Variants in CDH23 observed in about 807,000 individuals in gnomAD.
CDH23 encodes the protein cadherin related 23, also known as cadherin-23.
A neutral mutation model predicts 317.1 loss-of-function variants in CDH23; 189 were observed. That is an observed-to-expected ratio of 0.60 (90% confidence interval 0.53 to 0.67). The LOEUF (loss-of-function observed/expected upper bound fraction) is 0.67, where lower values mean the gene tolerates loss of function less well. Among genes scored for constraint, CDH23 ranks in the 30% least tolerant of loss-of-function variants. The probability of loss-of-function intolerance (pLI) is 0.00; values close to 1 mark genes in which losing one functional copy is unlikely to be tolerated. For missense variants in CDH23, 4,401 were observed against 4,592.4 expected (o/e 0.96, Z 1.20); for synonymous variants, 1,839 against 1,876.8 (o/e 0.98, Z 0.52).
chr10:71,493,060 A>G (rs1852754304), intron 3 of CDH23, among the ~76,000 whole-genome samples: 1 of 152,122 alleles, frequency 6.6e-6, no homozygotes, highest in Non-Finnish European at 1.5e-5. Context: ...GCTGAGCCAT[A>G]GTTTCCTCAT....
At position 71,805,985 on chromosome 10, in the gene CDH23, G is replaced by A. The variant is rs1206946287; in HGVS notation, c.8052G>A (p.Gln2684=). 4 of 1,611,636 alleles carry A rather than the reference G, an allele frequency of 2.5e-6. No individual in the cohort carries two copies. Among genetic ancestry groups the A allele is most frequent in the Non-Finnish European group, 3.4e-6 (4 of 1,179,290 alleles). The change falls in exon 56 of 70, where the codon CAG becomes CAA. Residue 2684 remains glutamine (Q), a synonymous_variant. Coordinates refer to ENST00000224721, the MANE Select transcript of CDH23 (RefSeq NM_022124.6). ...QTAQRLDRES[Q]AVYSLILVAS... is the part of the protein sequence containing the mutation. Reference sequence around the variant, plus strand: ...CTCAGCGCCTGGACCGCGAGTCGCAGGCGGTGTACAGCGTAAGGGCGGGGC... The same window carrying A: ...CTCAGCGCCTGGACCGCGAGTCGCAAGCGGTGTACAGCGTAAGGGCGGGGC...
At chr10:71,538,774 T>C (rs565028806) in intron 6 of CDH23, among the ~76,000 whole-genome samples, 1 of 152,346 alleles carries the variant, frequency 6.6e-6, no homozygotes, top group East Asian at 1.9e-4. Context: ...TCTGAAAGTA[T>C]ACCAGGTGCT....
rs116404837 is a variant in CDH23 at position 71,630,527 on chromosome 10, G to A, written c.1134+13134G>A. ...GGAGGGGAGGAAGGGAGTTAAGAGT[G>A]ACTGCACAAGGTTTTTGGCCTGAGC... is the stretch of plus-strand genomic sequence containing the variant. On this transcript the variant is annotated intron_variant, in intron 11 of 69. Transcript: ENST00000224721. Among the ~76,000 whole-genome samples, 1,138 of 152,292 alleles carry A rather than the reference G, an allele frequency of 7.5e-3. 15 individuals carry two copies. The highest frequency in any genetic ancestry group is 0.026 in the African/African-American group (1,084 of 41,556).
intron 9 of CDH23, among the ~76,000 whole-genome samples, chr10:71,611,964 C>T (rs531370351): frequency 7.2e-5 from 11 of 152,272 alleles, no homozygotes; most frequent in South Asian, 4.1e-4. Flanking sequence ...TTGAATGAGA[C>T]GTGCCCTTGG....
intron 14 of CDH23, among the ~76,000 whole-genome samples, chr10:71,664,192 C>T (rs899892917): frequency 1.3e-5 from 2 of 152,146 alleles, no homozygotes; most frequent in African/African-American, 4.8e-5. Context: ...AGGCAGACAC[C>T]GGCCACCCTG....
intron 9 of CDH23, among the ~76,000 whole-genome samples, chr10:71,611,644 C>A (rs1003715822): frequency 3.3e-5 from 5 of 152,186 alleles, no homozygotes; most frequent in Non-Finnish European, 5.9e-5. Flanking sequence ...ACATATAAGT[C>A]ACTTGATCAA....
chr10:71,641,270 T>C (rs1297349886), intron 11 of CDH23, among the ~76,000 whole-genome samples: 25 of 152,198 alleles, frequency 1.6e-4, no homozygotes, highest in Non-Finnish European at 2.9e-5. Context: ...ACACACTGGC[T>C]CTGGGCATCT....
chr10:71,784,209 G>C, intron 41 of CDH23, 78 bp from the exon 42 acceptor site: 1 of 1,482,976 alleles, frequency 6.7e-7, no homozygotes, highest in South Asian at 1.3e-5. Context: ...GCTTGCTAGA[G>C]GAAGCAGAAG....
intron 6 of CDH23, among the ~76,000 whole-genome samples, chr10:71,520,309 GAA>G (rs1256337330): frequency 2.0e-5 from 3 of 152,170 alleles, no homozygotes; most frequent in Non-Finnish European, 1.5e-5. Flanking sequence ...GGAAAAAAAT[GAA>G]AGAGTCATCA....
chr10:71,683,445 A>G (rs749471922), intron 18 of CDH23, among the ~76,000 whole-genome samples: 26 of 152,202 alleles, frequency 1.7e-4, no homozygotes, highest in Non-Finnish European at 3.1e-4. Flanking sequence ...AGCCTCTGCC[A>G]CTGCCCACGC....
chr10:71,536,460 A>T (rs1255718115), intron 6 of CDH23, among the ~76,000 whole-genome samples: 1 of 152,184 alleles, frequency 6.6e-6, no homozygotes, highest in Admixed American at 6.5e-5. Flanking sequence ...TTTGCTTTTG[A>T]TGTAATGAAA....
chr10:71,511,714 A>C, intron 6 of CDH23: 1 of 184,354 alleles, frequency 5.4e-6, no homozygotes. Flanking sequence ...GTATGTTTGC[A>C]TGAGTGCATG....
chr10:71,491,745 A>G (rs1169115595), intron 3 of CDH23, among the ~76,000 whole-genome samples: 1 of 152,186 alleles, frequency 6.6e-6, no homozygotes. Flanking sequence ...CTTCATAGCA[A>G]CAAAGGAGAG....
intron 44 of CDH23, 80 bp from the exon 45 acceptor site, chr10:71,788,860 A>G (rs1841168384): frequency 9.2e-6 from 7 of 758,462 alleles, no homozygotes; most frequent in Non-Finnish European, 1.2e-5. Context: ...CCAATCCCCA[A>G]CCTCCCAACC....
chr10:71,698,623 A>T (rs2132723824), intron 22 of CDH23, among the ~76,000 whole-genome samples: 1 of 152,098 alleles, frequency 6.6e-6, no homozygotes, highest in Admixed American at 6.5e-5. Context: ...CCTTTGCACG[A>T]GCCCTTTCCT....
intron 1 of CDH23, among the ~76,000 whole-genome samples, chr10:71,438,347 CAAAAAAAAAAA>C (rs10596696): frequency 1.0e-5 from 1 of 98,360 alleles, no homozygotes. Context: ...CTGTCTCAAA[CAAAAAAAAAAA>C]AAAAAAAGAA....
intron 8 of CDH23, among the ~76,000 whole-genome samples, chr10:71,576,849 T>TGTTTGTTC (rs1858241095): frequency 6.6e-6 from 1 of 152,190 alleles, no homozygotes; most frequent in African/African-American, 2.4e-5. Flanking sequence ...AACAAACTCT[T>TGTTTGTTC]GTTTGTTCGT....
intron 14 of CDH23, among the ~76,000 whole-genome samples, chr10:71,664,728 C>T (rs1051151470): frequency 5.3e-5 from 8 of 152,324 alleles, no homozygotes; most frequent in Middle Eastern, 6.8e-3. Context: ...GCTCTCATTA[C>T]CTCCATTTTA....
At chr10:71,586,844 G>A (rs942520973) in intron 9 of CDH23, among the ~76,000 whole-genome samples, 1 of 152,048 alleles carries the variant, frequency 6.6e-6, no homozygotes, top group Non-Finnish European at 1.5e-5. Flanking sequence ...TTTTATCCTC[G>A]ATAGTATATA....
Sources: allele counts gnomAD v4.1 joint callset (sites outside exome capture counted in the v4.1 genomes callset), GRCh38; gene constraint gnomAD v4.1.1; transcripts MANE v1.5; gene names NCBI Gene and HGNC (gene_info 2026-07-23, HGNC 2026-07-21).